DPP10: variants seen among roughly 807,000 people sequenced by gnomAD.
The protein encoded by DPP10 is dipeptidyl peptidase like 10.
Under a neutral mutation model 120.9 loss-of-function variants are expected in DPP10, and 33 were observed. That is an observed-to-expected ratio of 0.27 (90% confidence interval 0.21 to 0.37). The LOEUF (loss-of-function observed/expected upper bound fraction) is 0.37. Ranked by LOEUF, DPP10 falls within the 10% of genes least tolerant of loss-of-function variation. The pLI is 1.00. For synonymous variants in DPP10, 337 were observed against 326.1 expected (o/e 1.03, Z -0.36); for missense variants, 816 against 942.8 (o/e 0.87, Z 1.76).
In DPP10 at chr2:115,435,349, C is replaced by T. The variant is rs201430517; in HGVS notation, c.272-64161C>T. ...GAGAGTTACCCTTTCTCCACATCCT[C>T]GTTACCATTCATAATTTTTGTCTAT... On this transcript the variant is annotated intron_variant, in intron 3 of 25. Transcript: ENST00000410059. 4.1e-4 allele frequency among the ~76,000 whole-genome samples: 62 copies of T among 151,730 alleles called. No homozygotes were observed. In the East Asian group the frequency reaches 0.011, roughly 28 times the overall value.
rs199565763 is a variant in DPP10, at chr2:114,792,178, TAAAC to T, written c.60+349342_60+349345del. Among the ~76,000 whole-genome samples, 17 of 152,290 alleles carry T rather than the reference TAAAC, an allele frequency of 1.1e-4. No homozygotes were observed. The East Asian group carries it at 3.1e-3, about 28-fold the overall frequency. ...TATTATTATTAATATTATGAATAAA[TAAAC>T]AGAAAATCTTTAAGATAGTGCATCG... On this transcript the variant is annotated intron_variant, in intron 1 of 25. Transcript: ENST00000410059.
intron 3 of DPP10, among the ~76,000 whole-genome samples, chr2:115,489,032 G>C (rs1210935818): frequency 6.6e-6 from 1 of 152,014 alleles, no homozygotes; most frequent in Non-Finnish European, 1.5e-5. Flanking sequence ...GGTGATTAAC[G>C]TTTAAAATAT....
At chr2:114,895,344 A>G (rs2106634056) in intron 1 of DPP10, among the ~76,000 whole-genome samples, 1 of 152,334 alleles carries the variant, frequency 6.6e-6, no homozygotes, top group East Asian at 1.9e-4. Flanking sequence ...GACTCACCAA[A>G]CCCCTTCCTT....
At chr2:115,571,849 G>GTA (rs2081355909) in intron 5 of DPP10, among the ~76,000 whole-genome samples, 1 of 151,744 alleles carries the variant, frequency 6.6e-6, no homozygotes, top group African/African-American at 2.4e-5. Flanking sequence ...AATATCTTGT[G>GTA]TGTGTGTGTG....
chr2:114,471,224 T>C (rs2104615768), intron 1 of DPP10, among the ~76,000 whole-genome samples: 1 of 152,324 alleles, frequency 6.6e-6, no homozygotes, highest in Middle Eastern at 3.4e-3. Flanking sequence ...TGTTATATTG[T>C]TACTGCCTTA....
intron 10 of DPP10, among the ~76,000 whole-genome samples, chr2:115,749,313 T>A (rs1678409022): frequency 6.6e-6 from 1 of 152,226 alleles, no homozygotes; most frequent in Non-Finnish European, 1.5e-5. Flanking sequence ...GTCATTTGTG[T>A]AGACCTCTCT....
chr2:114,541,944 A>G (rs1241596608), intron 1 of DPP10, among the ~76,000 whole-genome samples: 2 of 151,930 alleles, frequency 1.3e-5, no homozygotes, highest in Non-Finnish European at 2.9e-5. Context: ...ACAGGGAAAA[A>G]TGTAAGTGTA....
chr2:115,806,236 A>G (rs888638862), intron 19 of DPP10, among the ~76,000 whole-genome samples: 4 of 152,184 alleles, frequency 2.6e-5, no homozygotes, highest in Non-Finnish European at 5.9e-5. Context: ...ATAATTGCTT[A>G]TATGCCAAAG....
intron 1 of DPP10, among the ~76,000 whole-genome samples, chr2:115,290,823 A>G (rs1574313604): frequency 6.6e-6 from 1 of 152,156 alleles, no homozygotes; most frequent in East Asian, 1.9e-4. Context: ...CTTATGAAGG[A>G]CATTCTTCTA....
At chr2:115,028,058 C>T (rs1009331052) in intron 1 of DPP10, among the ~76,000 whole-genome samples, 13 of 152,002 alleles carry the variant, frequency 8.6e-5, no homozygotes, top group Admixed American at 4.6e-4. Context: ...ACCAACTTTT[C>T]GTTTTATCGA....
At chr2:115,196,795 G>T (rs187842094) in intron 1 of DPP10, among the ~76,000 whole-genome samples, 1 of 152,204 alleles carries the variant, frequency 6.6e-6, no homozygotes, top group African/African-American at 2.4e-5. Context: ...ACATATGGAT[G>T]TGTGGGTGTG....
At chr2:115,703,027 A>C (rs1346828242) in intron 7 of DPP10, among the ~76,000 whole-genome samples, 1 of 151,932 alleles carries the variant, frequency 6.6e-6, no homozygotes, top group South Asian at 2.1e-4. Context: ...TGATATAATT[A>C]ATAAAAACAG....
At chr2:115,085,327 C>CGT (rs374792481) in intron 1 of DPP10, among the ~76,000 whole-genome samples, 6 of 151,536 alleles carry the variant, frequency 4.0e-5, no homozygotes, top group South Asian at 2.1e-4. Flanking sequence ...TGTGTGAGCA[C>CGT]GTGTGTGTGT....
At chr2:114,706,878 G>A (rs1700718438) in intron 1 of DPP10, among the ~76,000 whole-genome samples, 1 of 151,448 alleles carries the variant, frequency 6.6e-6, no homozygotes, top group Non-Finnish European at 1.5e-5. Context: ...CTCCCAAGGA[G>A]GGGGATGTGA....
chr2:115,395,757 A>T (rs192122982), intron 3 of DPP10, among the ~76,000 whole-genome samples: 4 of 152,044 alleles, frequency 2.6e-5, no homozygotes. Context: ...TTAAATTTGC[A>T]TTATTTTACA....
At chr2:115,443,376 A>C (rs548541769) in intron 3 of DPP10, among the ~76,000 whole-genome samples, 66 of 152,304 alleles carry the variant, frequency 4.3e-4, no homozygotes, top group Non-Finnish European at 4.3e-4. Flanking sequence ...TAAACAACTC[A>C]TGGACTGTGA....
intron 1 of DPP10, among the ~76,000 whole-genome samples, chr2:114,450,342 T>G (rs1041689624): frequency 6.6e-6 from 1 of 152,170 alleles, no homozygotes; most frequent in Non-Finnish European, 1.5e-5. Context: ...TAGTCTTCTG[T>G]ACCTCTTTAA....
intron 4 of DPP10, among the ~76,000 whole-genome samples, chr2:115,514,320 G>A (rs1040613329): frequency 7.3e-5 from 11 of 151,436 alleles, no homozygotes; most frequent in African/African-American, 2.7e-4. Context: ...TTATCAAATC[G>A]AGAAGGTTGG....
intron 1 of DPP10, among the ~76,000 whole-genome samples, chr2:114,847,721 C>T (rs1489917541): frequency 6.6e-6 from 1 of 152,130 alleles, no homozygotes; most frequent in Non-Finnish European, 1.5e-5. Flanking sequence ...AAAAGTTTAT[C>T]TGCATAAAAG....
Sources: allele counts gnomAD v4.1 joint callset (sites outside exome capture counted in the v4.1 genomes callset), GRCh38; gene constraint gnomAD v4.1.1; transcripts MANE v1.5; gene names NCBI Gene and HGNC (gene_info 2026-07-23, HGNC 2026-07-21).